The following PDE4D variants were observed in gnomAD, a reference collection of about 807,000 sequenced individuals.
PDE4D encodes the protein phosphodiesterase 4D, also known as 3',5'-cyclic-AMP phosphodiesterase 4D.
Under a neutral mutation model 87.4 loss-of-function variants are expected in PDE4D, and 24 were observed. That is an observed-to-expected ratio of 0.27 (90% CI 0.20 to 0.39). The LOEUF (loss-of-function observed/expected upper bound fraction) is 0.39. Ranked by LOEUF, PDE4D falls within the 10% of genes least tolerant of loss-of-function variation. The pLI is 1.00. For missense variants in PDE4D, 714 were observed against 1,041.0 expected (o/e 0.69, Z 4.32); for synonymous variants, 384 against 383.2 (o/e 1.00, Z -0.02).
chr5:59,658,964 C>T (rs1365476123), intron 1 of PDE4D, among the ~76,000 whole-genome samples: 1 of 152,088 alleles, frequency 6.6e-6, no homozygotes. Context: ...GACTGCACCA[C>T]TGCACTCCAG....
intron 1 of PDE4D, among the ~76,000 whole-genome samples, chr5:59,690,517 T>G (rs1044030276): frequency 6.6e-6 from 1 of 152,226 alleles, no homozygotes; most frequent in Non-Finnish European, 1.5e-5. Context: ...GCTAGCCACA[T>G]GTAGAAAGCT....
intron 5 of PDE4D, among the ~76,000 whole-genome samples, chr5:59,179,907 T>G (rs543168151): frequency 6.6e-6 from 1 of 152,328 alleles, no homozygotes; most frequent in East Asian, 1.9e-4. Flanking sequence ...AATGAGATCA[T>G]GCATTCTGTT....
intron 2 of PDE4D, among the ~76,000 whole-genome samples, chr5:60,061,135 C>G (rs763550548): frequency 1.2e-4 from 18 of 152,246 alleles, no homozygotes; most frequent in Middle Eastern, 3.4e-3. Context: ...AAGAGAAAGT[C>G]AAATTGTCTC....
At chr5:60,328,849 C>G (rs1757043545) in intron 1 of PDE4D, among the ~76,000 whole-genome samples, 1 of 151,984 alleles carries the variant, frequency 6.6e-6, no homozygotes, top group Admixed American at 6.6e-5. Flanking sequence ...CCCTTTTTTC[C>G]CTGAAAACAG....
intron 2 of PDE4D, among the ~76,000 whole-genome samples, chr5:60,041,435 T>C (rs1768468062): frequency 6.6e-6 from 1 of 152,136 alleles, no homozygotes; most frequent in Non-Finnish European, 1.5e-5. Context: ...GGCAGGATAG[T>C]GTTTGAAACT....
intron 1 of PDE4D, among the ~76,000 whole-genome samples, chr5:59,361,074 T>C (rs1325059953): frequency 6.6e-6 from 1 of 152,164 alleles, no homozygotes; most frequent in Admixed American, 6.6e-5. Context: ...GGATTTTTTT[T>C]AGCAATTTGG....
At chr5:59,087,505 A>G (rs1767926738) in intron 5 of PDE4D, among the ~76,000 whole-genome samples, 1 of 152,168 alleles carries the variant, frequency 6.6e-6, no homozygotes, top group African/African-American at 2.4e-5. Context: ...AAGACCACAA[A>G]GGAAAAAAAT....
chr5:59,031,392 TTATA>T (rs138464552), intron 6 of PDE4D, among the ~76,000 whole-genome samples: 1 of 34,284 alleles, frequency 2.9e-5, no homozygotes, highest in Non-Finnish European at 5.1e-5. Context: ...TATATATATA[TTATA>T]TATATATATA....
intron 1 of PDE4D, among the ~76,000 whole-genome samples, chr5:60,346,628 T>A (rs1758767633): frequency 6.6e-6 from 1 of 152,092 alleles, no homozygotes; most frequent in Non-Finnish European, 1.5e-5. Context: ...GATGCAGGAA[T>A]CAGAATGTGC....
intron 2 of PDE4D, among the ~76,000 whole-genome samples, chr5:60,137,999 A>C (rs1027119733): frequency 1.3e-5 from 2 of 152,278 alleles, no homozygotes; most frequent in Non-Finnish European, 1.5e-5. Flanking sequence ...AGTTTTCTGC[A>C]TATGGCTAGC....
intron 1 of PDE4D, among the ~76,000 whole-genome samples, chr5:60,291,080 T>C (rs1752854468): frequency 6.6e-6 from 1 of 152,176 alleles, no homozygotes; most frequent in Admixed American, 6.5e-5. Flanking sequence ...TTCCTGTTTA[T>C]CCAAAGAGCA....
chr5:59,575,004 T>C (rs1583187936), intron 1 of PDE4D, among the ~76,000 whole-genome samples: 1 of 152,188 alleles, frequency 6.6e-6, no homozygotes, highest in African/African-American at 2.4e-5. Context: ...ATAGGATATG[T>C]ATGCTAGAAT....
At chr5:59,503,014 A>G (rs2153665130) in intron 1 of PDE4D, among the ~76,000 whole-genome samples, 1 of 152,080 alleles carries the variant, frequency 6.6e-6, no homozygotes, top group East Asian at 1.9e-4. Context: ...TTAGGAGAAA[A>G]TAATCTAGAA....
intron 3 of PDE4D, among the ~76,000 whole-genome samples, chr5:59,192,209 C>G (rs1744492738): frequency 6.6e-6 from 1 of 152,056 alleles, no homozygotes; most frequent in African/African-American, 2.4e-5. Context: ...TATCTAAACC[C>G]TATTATCCAT....
At chr5:59,527,027 A>C (rs1340487135) in intron 1 of PDE4D, among the ~76,000 whole-genome samples, 3 of 152,128 alleles carry the variant, frequency 2.0e-5, no homozygotes, top group Non-Finnish European at 4.4e-5. Flanking sequence ...TGTTTTTGGG[A>C]AATTTTAAAA....
chr5:60,501,791 A>G (rs951264660), intron 1 of PDE4D, among the ~76,000 whole-genome samples: 1 of 152,200 alleles, frequency 6.6e-6, no homozygotes, highest in African/African-American at 2.4e-5. Flanking sequence ...TTGGTGGCAT[A>G]AATGTCTTCT....
chr5:59,595,039 C>T (rs949170755), intron 1 of PDE4D, among the ~76,000 whole-genome samples: 2 of 151,942 alleles, frequency 1.3e-5, no homozygotes, highest in African/African-American at 4.8e-5. Flanking sequence ...CCTAAAAATG[C>T]TTTAAAAAAT....
intron 1 of PDE4D, among the ~76,000 whole-genome samples, chr5:59,282,737 T>G (rs548263746): frequency 1.3e-5 from 2 of 151,682 alleles, no homozygotes; most frequent in South Asian, 4.2e-4. Context: ...TAGTTTCTGA[T>G]GTAATGGGAA....
intron 3 of PDE4D, among the ~76,000 whole-genome samples, chr5:59,188,284 G>T (rs2153482444): frequency 6.6e-6 from 1 of 152,232 alleles, no homozygotes; most frequent in East Asian, 1.9e-4. Flanking sequence ...CCACCAAGCA[G>T]AAGTATAGCC....
Sources: gnomAD v4.1 joint callset for allele counts (sites outside exome capture counted in the v4.1 genomes callset) on GRCh38, gnomAD v4.1.1 for gene constraint, MANE v1.5 for transcripts, NCBI Gene and HGNC (gene_info 2026-07-23, HGNC 2026-07-21) for gene names.